The following HIP1 variants were observed in gnomAD, a reference collection of about 807,000 sequenced individuals.
HIP1 encodes huntingtin-interacting protein 1.
HIP1 carries 65 observed loss-of-function variants against 147.6 expected under a neutral mutation model. The observed-to-expected ratio is 0.44, with a 90% confidence interval of 0.36 to 0.54. HIP1 has a LOEUF of 0.54. Among genes scored for constraint, HIP1 ranks in the 20% least tolerant of loss-of-function variants. The probability of loss-of-function intolerance (pLI) is 0.00; values close to 1 mark genes in which losing one functional copy is unlikely to be tolerated. For synonymous variants in HIP1, 479 were observed against 504.0 expected (o/e 0.95, Z 0.67); for missense variants, 1,061 against 1,299.6 (o/e 0.82, Z 2.82).
chr7:75,653,929 C>G (rs1424040410), intron 1 of HIP1, among the ~76,000 whole-genome samples: 2 of 152,138 alleles, frequency 1.3e-5, no homozygotes, highest in Non-Finnish European at 2.9e-5. Flanking sequence ...TTCACCATGC[C>G]AGGCCCTATT....
chr7:75,541,043 T>C (rs1175740648), intron 29 of HIP1, among the ~76,000 whole-genome samples: 1 of 150,940 alleles, frequency 6.6e-6, no homozygotes, highest in Non-Finnish European at 1.5e-5. Flanking sequence ...GGCAGGAGGG[T>C]TGTGTGAGGC....
chr7:75,579,708 C>T (rs782108133), intron 7 of HIP1, among the ~76,000 whole-genome samples: 2 of 152,112 alleles, frequency 1.3e-5, no homozygotes, highest in Non-Finnish European at 2.9e-5. Context: ...GGAAAAGAGG[C>T]CAGTAGTAGG....
chr7:75,678,801 G>C (rs1554516441), intron 1 of HIP1, among the ~76,000 whole-genome samples: 1 of 152,124 alleles, frequency 6.6e-6, no homozygotes, highest in African/African-American at 2.4e-5. Flanking sequence ...CCCCTCCTAG[G>C]GGCTTGCAGG....
At chr7:75,576,754 G>T (rs1216471670) in intron 7 of HIP1, among the ~76,000 whole-genome samples, 1 of 152,158 alleles carries the variant, frequency 6.6e-6, no homozygotes, top group African/African-American at 2.4e-5. Flanking sequence ...ATTCTAATCT[G>T]CATCCAGGGT....
chr7:75,691,759 G>T (rs763528266), intron 1 of HIP1, among the ~76,000 whole-genome samples: 2 of 152,100 alleles, frequency 1.3e-5, no homozygotes, highest in African/African-American at 4.8e-5. Context: ...CTACACTCCA[G>T]CCTGGGCAAC....
chr7:75,665,927 T>A (rs1237958159), intron 1 of HIP1, among the ~76,000 whole-genome samples: 1 of 152,096 alleles, frequency 6.6e-6, no homozygotes, highest in East Asian at 1.9e-4. Context: ...TATGGCAATG[T>A]GAAAAAAACC....
chr7:75,587,372 G>A (rs117176147), intron 4 of HIP1, among the ~76,000 whole-genome samples: 5 of 152,126 alleles, frequency 3.3e-5, no homozygotes, highest in Non-Finnish European at 5.9e-5. Flanking sequence ...GTGAGCCACC[G>A]CACCCAGCCA....
chr7:75,577,873 A>G (rs1424701835), intron 7 of HIP1, among the ~76,000 whole-genome samples: 1 of 152,020 alleles, frequency 6.6e-6, no homozygotes, highest in Non-Finnish European at 1.5e-5. Flanking sequence ...GGTGGCACAC[A>G]CCTGTAATCC....
At chr7:75,713,533 T>C (rs1194101168) in intron 1 of HIP1, among the ~76,000 whole-genome samples, 1 of 151,956 alleles carries the variant, frequency 6.6e-6, no homozygotes, top group Non-Finnish European at 1.5e-5. Context: ...CAATGGACAT[T>C]CTCCACCCTC....
intron 1 of HIP1, among the ~76,000 whole-genome samples, chr7:75,672,742 T>G (rs1208371975): frequency 6.6e-6 from 1 of 152,216 alleles, no homozygotes; most frequent in African/African-American, 2.4e-5. Context: ...AAGAAGCCAT[T>G]GCTTAATCCA....
intron 1 of HIP1, among the ~76,000 whole-genome samples, chr7:75,638,399 G>T (rs987233606): frequency 2.0e-5 from 3 of 151,668 alleles, no homozygotes; most frequent in Non-Finnish European, 4.4e-5. Context: ...GGGGTGGAGG[G>T]CTTCTCTGGG....
chr7:75,659,952 C>T (rs1584927630), intron 1 of HIP1, among the ~76,000 whole-genome samples: 1 of 151,206 alleles, frequency 6.6e-6, no homozygotes, highest in South Asian at 2.1e-4. Context: ...ATGGTGAAAC[C>T]CGGTCTCTAC....
At chr7:75,697,144 T>G (rs1181616135) in intron 1 of HIP1, among the ~76,000 whole-genome samples, 2 of 152,188 alleles carry the variant, frequency 1.3e-5, no homozygotes, top group Non-Finnish European at 2.9e-5. Flanking sequence ...ATTTATCAAA[T>G]GATGTGTCTA....
intron 1 of HIP1, among the ~76,000 whole-genome samples, chr7:75,705,602 G>A (rs1277844724): frequency 1.3e-5 from 2 of 152,062 alleles, no homozygotes; most frequent in African/African-American, 4.8e-5. Flanking sequence ...TGATCTGCCC[G>A]CCTCAGCCTC....
intron 25 of HIP1, 32 bp from the exon 26 acceptor site, chr7:75,545,220 T>A (rs1554490784): frequency 7.9e-7 from 1 of 1,272,788 alleles, no homozygotes; most frequent in South Asian, 1.2e-5. Flanking sequence ...ATAGCCACCT[T>A]TTATTGAGCA....
intron 26 of HIP1, 109 bp downstream of exon 26, chr7:75,544,979 A>C: frequency 1.3e-6 from 1 of 797,660 alleles, no homozygotes; most frequent in East Asian, 2.4e-5. Flanking sequence ...TTCCTGATCA[A>C]TAGTTTATTT....
At chr7:75,589,220 T>C (rs1257904365) in intron 4 of HIP1, among the ~76,000 whole-genome samples, 1 of 150,826 alleles carries the variant, frequency 6.6e-6, no homozygotes, top group Non-Finnish European at 1.5e-5. Flanking sequence ...TTGAAAACCT[T>C]ATGGAGAAGC....
intron 1 of HIP1, among the ~76,000 whole-genome samples, chr7:75,615,409 C>G (rs1797619718): frequency 6.6e-6 from 1 of 151,934 alleles, no homozygotes; most frequent in Admixed American, 6.6e-5. Context: ...GAAAATTTAG[C>G]TGGGGATGGT....
At position 75,544,798 on chromosome 7, in the gene HIP1, TCCCTGATGGAAAA is replaced by T; in HGVS notation, c.2661-11_2662del. On this transcript the variant is annotated splice_acceptor_variant and splice_polypyrimidine_tract_variant and coding_sequence_variant and intron_variant, in exon 27 of 31. Transcript: ENST00000336926. LOFTEE classifies it high-confidence loss of function. Reference sequence around the variant, plus strand: ...GCCTTGTACCACCAGATCAGCTGCATCCCTGATGGAAAACGACAAGAGGGACTAGGTTACGGGC... The same window carrying T: ...GCCTTGTACCACCAGATCAGCTGCATCGACAAGAGGGACTAGGTTACGGGC... The T allele has an allele frequency of 6.2e-7, 1 of 1,600,716 alleles. No homozygotes were observed. The highest frequency in any genetic ancestry group is 8.6e-7 in the Non-Finnish European group (1 of 1,167,814).
Sources: gnomAD v4.1 joint callset for allele counts (sites outside exome capture counted in the v4.1 genomes callset) on GRCh38, gnomAD v4.1.1 for gene constraint, MANE v1.5 for transcripts, NCBI Gene and HGNC (gene_info 2026-07-23, HGNC 2026-07-21) for gene names.